Variants in CCDC68 observed in about 807,000 individuals in gnomAD.
CCDC68 encodes coiled-coil domain containing 68, also known as coiled-coil domain-containing protein 68.
Under a neutral mutation model 47.1 loss-of-function variants are expected in CCDC68, and 45 were observed. The ratio of observed to expected loss-of-function variants is 0.96; its 90% CI spans 0.75 to 1.23. The LOEUF is 1.23. Among genes scored for constraint, CCDC68 ranks in the 50% most tolerant of loss-of-function variants. The pLI is 0.00. For synonymous variants in CCDC68, 131 were observed against 129.5 expected, an observed-to-expected ratio of 1.01 and a Z score of -0.08; for missense variants, 353 against 373.6, an observed-to-expected ratio of 0.94 and a Z score of 0.45.
intron 10 of CCDC68, among the ~76,000 whole-genome samples, chr18:54,909,098 T>C (rs1914187633): frequency 6.6e-6 from 1 of 152,184 alleles, no homozygotes; most frequent in East Asian, 1.9e-4. Flanking sequence ...GCCAAGCTGT[T>C]TCCTCCTGTC....
At chr18:54,951,234 A>G (rs2044615572) in intron 1 of CCDC68, among the ~76,000 whole-genome samples, 3 of 152,288 alleles carry the variant, frequency 2.0e-5, no homozygotes, top group South Asian at 4.2e-4. Flanking sequence ...GAAATAGTCT[A>G]TCCTCATAGT....
chr18:54,931,925 G>T (rs75150072), intron 7 of CCDC68, among the ~76,000 whole-genome samples: 8,148 of 152,102 alleles, frequency 0.054, 265 homozygotes, highest in Middle Eastern at 0.11. Context: ...GGGCACCTAC[G>T]ACCAGGCCAA....
intron 6 of CCDC68, among the ~76,000 whole-genome samples, 170 bp downstream of exon 6, chr18:54,936,663 G>A (rs971142400): frequency 2.0e-5 from 3 of 152,208 alleles, no homozygotes; most frequent in African/African-American, 7.2e-5. Context: ...GTCCGGCTAA[G>A]CAGGGGTGAG....
chr18:54,912,901 A>G (rs1401510464), intron 10 of CCDC68, among the ~76,000 whole-genome samples: 1 of 152,206 alleles, frequency 6.6e-6, no homozygotes, highest in African/African-American at 2.4e-5. Flanking sequence ...AGACTTATTC[A>G]CTACCATGAG....
Position 54,917,915 on chromosome 18 carries a change from G to T in CCDC68, c.871C>A (p.Gln291Lys). The T allele has an allele frequency of 6.4e-7, 1 of 1,568,520 alleles. No homozygotes were observed. ...LREKVNILEA[Q>K]NKELKTQVAL... ...TGTAAGACAGGTTCCCTCCTTACCTGGGCTTCAAGTATGTTAACCTTTTCT... is the reference window on the plus strand; with the variant it reads ...TGTAAGACAGGTTCCCTCCTTACCTTGGCTTCAAGTATGTTAACCTTTTCT... The change falls in exon 10 of 12, where the codon CAG becomes AAG. Residue 291 changes from glutamine to lysine, a missense_variant and splice_region_variant. Coordinates refer to ENST00000591504, the MANE Select transcript of CCDC68 (RefSeq NM_025214.3).
chr18:54,921,371 A>T (rs1477820682), intron 8 of CCDC68, among the ~76,000 whole-genome samples: 1 of 152,210 alleles, frequency 6.6e-6, no homozygotes, highest in Non-Finnish European at 1.5e-5. Context: ...AAAAAATCAG[A>T]AGCTTTATTT....
chr18:54,944,928 T>C (rs1011649299), intron 2 of CCDC68, among the ~76,000 whole-genome samples: 1 of 152,166 alleles, frequency 6.6e-6, no homozygotes, highest in African/African-American at 2.4e-5. Flanking sequence ...AACATATGAA[T>C]CTTGTTTGGA....
At chr18:54,927,322 A>G (rs1205658454) in intron 8 of CCDC68, among the ~76,000 whole-genome samples, 1 of 152,236 alleles carries the variant, frequency 6.6e-6, no homozygotes, top group African/African-American at 2.4e-5. Flanking sequence ...AGGAGCTTTT[A>G]AAGAATTATT....
intron 1 of CCDC68, among the ~76,000 whole-genome samples, chr18:54,953,557 G>T (rs1474176453): frequency 6.6e-6 from 1 of 151,526 alleles, no homozygotes; most frequent in African/African-American, 2.4e-5. Flanking sequence ...TATATAGAGA[G>T]AGAGAGATAC....
chr18:54,952,969 T>C (rs2044643766), intron 1 of CCDC68, among the ~76,000 whole-genome samples: 1 of 151,752 alleles, frequency 6.6e-6, no homozygotes, highest in Admixed American at 6.6e-5. Flanking sequence ...GCTGAAATTG[T>C]GCCACTGCAC....
At chr18:54,906,590 G>A (rs1455097561) in intron 11 of CCDC68, among the ~76,000 whole-genome samples, 1 of 152,090 alleles carries the variant, frequency 6.6e-6, no homozygotes, top group Non-Finnish European at 1.5e-5. Flanking sequence ...ATCCCAATGG[G>A]AATGGTAAAG....
chr18:54,923,099 A>C (rs1329312390), intron 8 of CCDC68, among the ~76,000 whole-genome samples: 1 of 152,142 alleles, frequency 6.6e-6, no homozygotes, highest in Non-Finnish European at 1.5e-5. Flanking sequence ...GTAAAAGAAG[A>C]AAAGATAAAA....
intron 1 of CCDC68, among the ~76,000 whole-genome samples, chr18:54,950,788 G>GTATATGTATATATATATATATATATATA (rs1555679025): frequency 2.1e-5 from 2 of 97,336 alleles, no homozygotes; most frequent in African/African-American, 7.8e-5. Context: ...TATCTTCAGT[G>GTATATGTATATATATATATATATATATA]TATATATATA....
chr18:54,911,129 C>T (rs570338134), intron 10 of CCDC68, among the ~76,000 whole-genome samples: 17 of 152,346 alleles, frequency 1.1e-4, no homozygotes, highest in Admixed American at 1.0e-3. Flanking sequence ...GCAACCTCCA[C>T]CTCCACTTCC....
At chr18:54,923,662 G>A (rs369968673) in intron 8 of CCDC68, among the ~76,000 whole-genome samples, 1 of 151,794 alleles carries the variant, frequency 6.6e-6, no homozygotes, top group East Asian at 1.9e-4. Context: ...TAAGTAAGCT[G>A]CCACTTGATC....
intron 5 of CCDC68, 51 bp from the exon 6 acceptor site, chr18:54,937,009 A>G (rs769836440): frequency 6.2e-7 from 1 of 1,604,500 alleles, no homozygotes; most frequent in East Asian, 2.2e-5. Flanking sequence ...AAAAAGTGTT[A>G]AAGGCAGAAC....
At chr18:54,909,660 T>C (rs945643261) in intron 10 of CCDC68, among the ~76,000 whole-genome samples, 3 of 152,224 alleles carry the variant, frequency 2.0e-5, no homozygotes, top group African/African-American at 7.2e-5. Flanking sequence ...GGCCACTGTG[T>C]ATAGTCAAAC....
chr18:54,915,556 A>G (rs1355039036), intron 10 of CCDC68, among the ~76,000 whole-genome samples: 2 of 152,210 alleles, frequency 1.3e-5, no homozygotes, highest in East Asian at 3.8e-4. Context: ...TGGTACTTTT[A>G]TCAGTGATTT....
chr18:54,911,979 G>A (rs1285463390), intron 10 of CCDC68, among the ~76,000 whole-genome samples: 1 of 152,182 alleles, frequency 6.6e-6, no homozygotes, highest in Non-Finnish European at 1.5e-5. Flanking sequence ...ATATGCATGA[G>A]TTTTATTTAA....
Sources: gnomAD v4.1 joint callset for allele counts (sites outside exome capture counted in the v4.1 genomes callset) on GRCh38, gnomAD v4.1.1 for gene constraint, MANE v1.5 for transcripts, NCBI Gene and HGNC (gene_info 2026-07-23, HGNC 2026-07-21) for gene names.